KMT5A: variants seen among roughly 807,000 people sequenced by gnomAD.
KMT5A encodes lysine methyltransferase 5A.
A neutral mutation model predicts 40.6 loss-of-function variants in KMT5A; 6 were observed. That is an observed-to-expected ratio of 0.15 (90% CI 0.08 to 0.29). KMT5A has a LOEUF of 0.29. Ranked by LOEUF, KMT5A falls within the 10% of genes least tolerant of loss-of-function variation. KMT5A has a pLI of 1.00. For synonymous variants in KMT5A, 153 were observed against 178.8 expected (o/e 0.86, Z 1.15); for missense variants, 308 against 459.1 (o/e 0.67, Z 3.01).
In KMT5A at chr12:123,390,673, G is replaced by C; in HGVS notation, c.176G>C (p.Ser59Thr). The C allele has an allele frequency of 6.2e-7, 1 of 1,613,910 alleles. No homozygotes were observed. The highest frequency in any genetic ancestry group is 8.5e-7 in the Non-Finnish European group (1 of 1,179,836). ...CAGTCAAAGATCTATTCCTACATGA[G>C]CCCGAACAAATGCTCTGGAATGCGT... ...TGQSKIYSYM[S>T]PNKCSGMRFP... Residue 59 changes from serine (S) to threonine (T), a missense_variant, in exon 3 of 8, where the codon AGC becomes ACC. Physicochemically the swap from Ser to Thr is moderately conservative, Grantham distance 58. This residue lies in a region of KMT5A where 92 missense variants were observed against 78.3 expected (regional missense o/e 1.18). Coordinates refer to ENST00000402868, the MANE Select transcript of KMT5A (RefSeq NM_020382.7).
At chr12:123,405,842 C>T (rs973690514) in intron 7 of KMT5A, among the ~76,000 whole-genome samples, 4 of 139,150 alleles carry the variant, frequency 2.9e-5, no homozygotes, top group Admixed American at 7.2e-5. Context: ...TCTTTTGAGA[C>T]GGAGTCTCGT....
At chr12:123,402,984 C>T (rs965251836) in intron 5 of KMT5A, among the ~76,000 whole-genome samples, 1 of 152,224 alleles carries the variant, frequency 6.6e-6, no homozygotes, top group Non-Finnish European at 1.5e-5. Context: ...TCTTGGCTCA[C>T]TGCAACCTCC....
intron 5 of KMT5A, among the ~76,000 whole-genome samples, chr12:123,397,069 T>C (rs1289896522): frequency 6.6e-6 from 1 of 152,248 alleles, no homozygotes; most frequent in African/African-American, 2.4e-5. Flanking sequence ...TTCCTCAGTG[T>C]TGTCACTCCC....
At chr12:123,389,696 C>G (rs1046443608) in intron 2 of KMT5A, 142 bp downstream of exon 2, 2 of 545,464 alleles carry the variant, frequency 3.7e-6, no homozygotes, top group East Asian at 1.2e-4. Context: ...GGCGCCCACA[C>G]GGCTCCGCCA....
chr12:123,394,332 AC>A (rs1877533114), intron 3 of KMT5A, among the ~76,000 whole-genome samples: 1 of 151,950 alleles, frequency 6.6e-6, no homozygotes, highest in Non-Finnish European at 1.5e-5. Context: ...TGAACTCCCG[AC>A]CTCAGGTGAT....
At chr12:123,387,677 G>A (rs1446913163) in intron 1 of KMT5A, among the ~76,000 whole-genome samples, 1 of 152,220 alleles carries the variant, frequency 6.6e-6, no homozygotes, top group Non-Finnish European at 1.5e-5. Flanking sequence ...GATTGTCTGA[G>A]CAGTGACCTG....
At chr12:123,402,152 G>T (rs1878228022) in intron 5 of KMT5A, among the ~76,000 whole-genome samples, 1 of 152,196 alleles carries the variant, frequency 6.6e-6, no homozygotes, top group Admixed American at 6.5e-5. Context: ...GAAGTGTTGG[G>T]ATTACAGGAG....
chr12:123,386,405 G>C (rs1876875955), intron 1 of KMT5A, among the ~76,000 whole-genome samples: 1 of 151,798 alleles, frequency 6.6e-6, no homozygotes. Flanking sequence ...TAGTAGAGAC[G>C]GGGTTTCGCC....
intron 5 of KMT5A, among the ~76,000 whole-genome samples, chr12:123,397,840 ATT>A (rs63533060): frequency 9.0e-4 from 133 of 147,958 alleles, no homozygotes; most frequent in African/African-American, 1.2e-3. Flanking sequence ...CTAATTTTGT[ATT>A]TTTTTTTTTT....
At chr12:123,390,342 G>C (rs1215105667) in intron 2 of KMT5A, among the ~76,000 whole-genome samples, 1 of 152,182 alleles carries the variant, frequency 6.6e-6, no homozygotes, top group South Asian at 2.1e-4. Context: ...CCCTGTTGCG[G>C]GTAGGCTGTC....
intron 5 of KMT5A, among the ~76,000 whole-genome samples, chr12:123,401,144 C>CTTTTTTTTTTTTTTT (rs58431238): frequency 2.6e-5 from 2 of 75,678 alleles, no homozygotes; most frequent in African/African-American, 5.3e-5. Context: ...ATATATCTTT[C>CTTTTTTTTTTTTTTT]TTTTTTTTTT....
chr12:123,398,614 G>C (rs1044395498), intron 5 of KMT5A, among the ~76,000 whole-genome samples: 60 of 152,380 alleles, frequency 3.9e-4, no homozygotes, highest in African/African-American at 1.4e-3. Flanking sequence ...CCTGGACCGG[G>C]AGCCGTGCTT....
chr12:123,388,133 G>A (rs567962741), intron 1 of KMT5A, among the ~76,000 whole-genome samples: 1 of 152,342 alleles, frequency 6.6e-6, no homozygotes, highest in South Asian at 2.1e-4. Flanking sequence ...ATTTTCTCAC[G>A]GCGGGATAGG....
At chr12:123,388,185 C>G (rs1237548325) in intron 1 of KMT5A, among the ~76,000 whole-genome samples, 1 of 152,228 alleles carries the variant, frequency 6.6e-6, no homozygotes, top group Non-Finnish European at 1.5e-5. Context: ...AGACCATTTG[C>G]TTCTCCCAAA....
At chr12:123,390,581 AG>A (rs747072095) in intron 2 of KMT5A, 48 bp from the exon 3 acceptor site, 2 of 1,600,232 alleles carry the variant, frequency 1.2e-6, no homozygotes, top group East Asian at 2.2e-5. Flanking sequence ...TGAATGCTCT[AG>A]GATCTTCTTC....
chr12:123,389,303 A>T, intron 1 of KMT5A, 130 bp from the exon 2 acceptor site: 1 of 512,292 alleles, frequency 2.0e-6, no homozygotes, highest in Non-Finnish European at 2.5e-6. Context: ...GCGGCTCACC[A>T]GAGCCGGGGC....
intron 5 of KMT5A, 49 bp downstream of exon 5, chr12:123,396,481 C>A (rs775512642): frequency 1.9e-6 from 3 of 1,560,794 alleles, no homozygotes; most frequent in Non-Finnish European, 1.8e-6. Context: ...GGGTGGCCCA[C>A]CAAGCAGTGC....
At chr12:123,403,023 C>G (rs1321225804) in intron 5 of KMT5A, among the ~76,000 whole-genome samples, 1 of 152,222 alleles carries the variant, frequency 6.6e-6, no homozygotes, top group Non-Finnish European at 1.5e-5. Flanking sequence ...ATTCTCCTGC[C>G]TCAGCCTCCC....
rs766202368 is a variant in KMT5A at position 123,407,468 on chromosome 12, C to A, written c.849-25C>A. 7.4e-6 allele frequency: 12 copies of A among 1,611,298 alleles called. No individual in the cohort carries two copies. In the South Asian group the frequency reaches 1.3e-4, roughly 18 times the overall value. On this transcript the variant is annotated intron_variant, in intron 7 of 7. Transcript: ENST00000402868. The stretch of plus-strand genomic sequence containing the variant: ...GAAAAGCCTCTTTATCCATTTAATC[C>A]TCTCTGGCCCTCCTTCCCCTCCAGC...
Sources: gnomAD v4.1 joint callset for allele counts (sites outside exome capture counted in the v4.1 genomes callset) on GRCh38, gnomAD v4.1.1 for gene constraint, gnomAD v4.1.1 regional missense constraint, MANE v1.5 for transcripts, NCBI Gene and HGNC (gene_info 2026-07-23, HGNC 2026-07-21) for gene names.